Variants in GRIN2B observed in about 807,000 individuals in gnomAD.
The protein encoded by GRIN2B is glutamate ionotropic receptor NMDA type subunit 2B.
GRIN2B carries 5 observed loss-of-function variants against 114.5 expected under a neutral mutation model. The ratio of observed to expected loss-of-function variants is 0.04; its 90% confidence interval spans 0.02 to 0.09. The LOEUF (loss-of-function observed/expected upper bound fraction) is 0.09, where lower values mean the gene tolerates loss of function less well. Among genes scored for constraint, GRIN2B ranks in the 10% least tolerant of loss-of-function variants. The probability of loss-of-function intolerance (pLI) is 1.00; values close to 1 mark genes in which losing one functional copy is unlikely to be tolerated. For synonymous variants in GRIN2B, 787 were observed against 745.1 expected (o/e 1.06, Z -0.92); for missense variants, 1,108 against 1,943.5 (o/e 0.57, Z 8.08).
chr12:13,749,353 C>G (rs1489395304), intron 4 of GRIN2B, among the ~76,000 whole-genome samples: 2 of 152,166 alleles, frequency 1.3e-5, no homozygotes, highest in Non-Finnish European at 2.9e-5. Context: ...TGTACCTCCC[C>G]CTACAATGCT....
intron 3 of GRIN2B, among the ~76,000 whole-genome samples, chr12:13,819,980 G>C (rs1864902510): frequency 6.6e-6 from 1 of 152,054 alleles, no homozygotes; most frequent in Non-Finnish European, 1.5e-5. Flanking sequence ...CTCCCACTTG[G>C]TTCCTGACCC....
At chr12:13,675,353 T>C (rs7313149) in intron 5 of GRIN2B, among the ~76,000 whole-genome samples, 30,819 of 152,010 alleles carry the variant, frequency 0.2, 3,247 homozygotes, top group African/African-American at 0.24. Context: ...ACAATAAGTC[T>C]AAACCTTTCT....
intron 4 of GRIN2B, among the ~76,000 whole-genome samples, chr12:13,678,367 T>A (rs1240136530): frequency 1.3e-5 from 2 of 152,122 alleles, no homozygotes; most frequent in African/African-American, 4.8e-5. Context: ...TCAGATATGG[T>A]GCCATCGCTA....
chr12:13,783,164 T>C (rs1356153314), intron 3 of GRIN2B, among the ~76,000 whole-genome samples: 2 of 152,216 alleles, frequency 1.3e-5, no homozygotes, highest in Admixed American at 6.5e-5. Context: ...TTACTCAATG[T>C]CTTTACTGAA....
rs1437153223 is a variant in GRIN2B, at chr12:13,773,372, G to A, written c.412-19457C>T. Among the ~76,000 whole-genome samples, 6 of 152,200 alleles carry A rather than the reference G, an allele frequency of 3.9e-5. No individual in the cohort carries two copies. The East Asian group carries it at 9.6e-4, about 24-fold the overall frequency. ...GAGTCATCTCAGATCTGTACATGCA[G>A]AGCTACGCATCTGTCAAATACACAT... On this transcript the variant is annotated intron_variant, in intron 3 of 13. Transcript: ENST00000609686.
chr12:13,708,396 T>C (rs1010947746), intron 4 of GRIN2B, among the ~76,000 whole-genome samples: 9 of 152,114 alleles, frequency 5.9e-5, no homozygotes, highest in Non-Finnish European at 1.0e-4. Context: ...AGCCTATGTA[T>C]GAACTCCCTT....
At chr12:13,831,746 A>G (rs1223404509) in intron 3 of GRIN2B, among the ~76,000 whole-genome samples, 1 of 152,182 alleles carries the variant, frequency 6.6e-6, no homozygotes, top group Non-Finnish European at 1.5e-5. Context: ...TCCTTGGTGA[A>G]AGGTTTTTAG....
At chr12:13,805,323 C>T (rs74067329) in intron 3 of GRIN2B, among the ~76,000 whole-genome samples, 6,541 of 152,144 alleles carry the variant, frequency 0.043, 208 homozygotes, top group African/African-American at 0.091. Flanking sequence ...CTAGCAGAAA[C>T]CAGAGTTCAT....
chr12:13,721,611 T>C (rs1240490616), intron 4 of GRIN2B, among the ~76,000 whole-genome samples: 1 of 152,066 alleles, frequency 6.6e-6, no homozygotes, highest in Non-Finnish European at 1.5e-5. Flanking sequence ...GGAAAAAAGT[T>C]ACCATTTTCA....
chr12:13,839,746 G>A (rs1865346600), intron 3 of GRIN2B, among the ~76,000 whole-genome samples: 1 of 152,146 alleles, frequency 6.6e-6, no homozygotes, highest in Non-Finnish European at 1.5e-5. Context: ...ACAAGGACAG[G>A]AACAAGAAAG....
chr12:13,897,609 T>C (rs376010538), intron 2 of GRIN2B, among the ~76,000 whole-genome samples: 8 of 152,114 alleles, frequency 5.3e-5, no homozygotes, highest in East Asian at 3.8e-4. Flanking sequence ...AGCTATGAGA[T>C]CTCAGGCAGG....
At chr12:13,692,558 G>C (rs543003149) in intron 4 of GRIN2B, among the ~76,000 whole-genome samples, 1 of 151,766 alleles carries the variant, frequency 6.6e-6, no homozygotes, top group Non-Finnish European at 1.5e-5. Context: ...AGCTGTGCAC[G>C]TTAGGTGAAC....
chr12:13,721,065 G>A (rs1284267775), intron 4 of GRIN2B, among the ~76,000 whole-genome samples: 3 of 152,004 alleles, frequency 2.0e-5, no homozygotes, highest in Non-Finnish European at 4.4e-5. Flanking sequence ...GTATTGGGTA[G>A]GCAGGAAAGG....
chr12:13,615,042 T>C lies in GRIN2B; in HGVS notation c.1654+72A>G. ...TTCTAGCTGGAACAGCCTGGCCATG[T>C]GCTCCTTTTTTCCTTATTTCACTTC... On this transcript the variant is annotated intron_variant, in intron 8 of 13. Transcript: ENST00000609686. This position sits in a 1 kb window ranked among gnomAD's most constrained non-coding sequence, Gnocchi z 5.8. The C allele has an allele frequency of 1.5e-6, 2 of 1,349,676 alleles. No homozygotes were observed. The highest frequency in any genetic ancestry group is 1.2e-5 in the South Asian group (1 of 85,490). The allele number at this position is 1,349,676 out of a possible 1,614,324, so 83.6% of individuals were successfully genotyped here. A position where few individuals can be genotyped will look rare whatever the true frequency, so the allele number is the denominator to read the frequency against.
intron 5 of GRIN2B, among the ~76,000 whole-genome samples, chr12:13,660,979 ACT>A (rs1438133312): frequency 6.6e-6 from 1 of 151,840 alleles, no homozygotes; most frequent in East Asian, 1.9e-4. Context: ...AGACTATATC[ACT>A]CTGTTTTTAA....
At chr12:13,594,351 A>T (rs1317011212) in intron 10 of GRIN2B, among the ~76,000 whole-genome samples, 1 of 152,222 alleles carries the variant, frequency 6.6e-6, no homozygotes, top group African/African-American at 2.4e-5. Flanking sequence ...GCCATAAAAA[A>T]GGATCAGTTC....
intron 3 of GRIN2B, among the ~76,000 whole-genome samples, chr12:13,810,976 T>C (rs220589): frequency 0.98 from 149,071 of 152,320 alleles, 73,024 homozygotes; most frequent in Middle Eastern, 1. Context: ...AATTAAGGTG[T>C]CAATGAGCAA....
At chr12:13,954,746 T>C (rs1047546260) in intron 2 of GRIN2B, among the ~76,000 whole-genome samples, 2 of 135,606 alleles carry the variant, frequency 1.5e-5, no homozygotes, top group African/African-American at 5.5e-5. Context: ...GAGGTGGAGG[T>C]TGCTGTGAGC....
chr12:13,545,213 T>C lies in GRIN2B; in HGVS notation c.*17570A>G, dbSNP rs1314159892. The stretch of plus-strand genomic sequence containing the variant: ...TCCCTCATTTCCTCCAAACCTTTAC[T>C]TAAATGTCATCTTTGCTTACTCAAA... On this transcript the variant is annotated 3_prime_UTR_variant, in exon 14 of 14. Transcript: ENST00000609686. The C allele has an allele frequency of 1.3e-5, 2 of 152,212 alleles. No individual in the cohort carries two copies. The highest frequency in any genetic ancestry group is 2.4e-5 in the African/African-American group (1 of 41,446). 9.4% of individuals were successfully genotyped at this position (152,212 alleles called of 1,614,324 possible). A position where few individuals can be genotyped will look rare whatever the true frequency, so the allele number is the denominator to read the frequency against.
Sources: allele counts gnomAD v4.1 joint callset (sites outside exome capture counted in the v4.1 genomes callset), GRCh38; gene constraint gnomAD v4.1.1; non-coding constraint Gnocchi (gnomAD v3.1); transcripts MANE v1.5; gene names NCBI Gene and HGNC (gene_info 2026-07-23, HGNC 2026-07-21).